Variants in CALN1 observed in about 807,000 individuals in gnomAD.
The protein encoded by CALN1 is calneuron 1, also known as calcium-binding protein 8.
A neutral mutation model predicts 30.6 loss-of-function variants in CALN1; 17 were observed. The observed-to-expected ratio is 0.56, with a 90% confidence interval of 0.38 to 0.83. CALN1 has a LOEUF of 0.83. Ranked by LOEUF, CALN1 falls within the 40% of genes least tolerant of loss-of-function variation. The probability of loss-of-function intolerance (pLI) is 0.00; values close to 1 mark genes in which losing one functional copy is unlikely to be tolerated. For missense variants in CALN1, 291 were observed against 354.9 expected, an observed-to-expected ratio of 0.82 and a Z score of 1.45; for synonymous variants, 156 against 131.4, an observed-to-expected ratio of 1.19 and a Z score of -1.28.
chr7:71,795,987 T>G (rs2115971156), intron 6 of CALN1, among the ~76,000 whole-genome samples: 1 of 142,588 alleles, frequency 7.0e-6, no homozygotes, highest in South Asian at 2.3e-4. Flanking sequence ...CCCGGCTAAT[T>G]TTTTGCATTT....
At chr7:72,251,002 A>G (rs1233416303) in intron 3 of CALN1, among the ~76,000 whole-genome samples, 5 of 152,016 alleles carry the variant, frequency 3.3e-5, no homozygotes, top group South Asian at 2.1e-4. Flanking sequence ...GGTCACCCCA[A>G]TGTTCCCCCT....
chr7:72,426,607 A>G (rs1033862863), intron 1 of CALN1, among the ~76,000 whole-genome samples: 1 of 152,150 alleles, frequency 6.6e-6, no homozygotes, highest in Non-Finnish European at 1.5e-5. Context: ...CCAGTGTGAA[A>G]ATGAACTAAT....
chr7:72,029,641 G>T (rs844685), intron 4 of CALN1, among the ~76,000 whole-genome samples: 8 of 151,998 alleles, frequency 5.3e-5, no homozygotes, highest in Non-Finnish European at 1.0e-4. Context: ...TAATCAATCA[G>T]GCGCACATGA....
chr7:72,288,593 T>A (rs1554353127), intron 2 of CALN1, among the ~76,000 whole-genome samples: 1 of 152,242 alleles, frequency 6.6e-6, no homozygotes, highest in Non-Finnish European at 1.5e-5. Flanking sequence ...ACCATTAGTC[T>A]AGGAGTGTGT....
chr7:71,848,464 G>T (rs1385698038), intron 5 of CALN1, among the ~76,000 whole-genome samples: 1 of 152,046 alleles, frequency 6.6e-6, no homozygotes, highest in Non-Finnish European at 1.5e-5. Context: ...CTTCTTTGAA[G>T]GATAAACAGG....
At chr7:72,008,130 C>T (rs546476212) in intron 5 of CALN1, among the ~76,000 whole-genome samples, 1 of 152,128 alleles carries the variant, frequency 6.6e-6, no homozygotes, top group East Asian at 1.9e-4. Context: ...TATTCAATTA[C>T]CATATTATGT....
intron 3 of CALN1, among the ~76,000 whole-genome samples, chr7:72,258,889 C>T (rs1204949378): frequency 8.4e-5 from 11 of 130,818 alleles, no homozygotes; most frequent in South Asian, 2.6e-4. Flanking sequence ...CCTGTCTCTA[C>T]TAAAAAGTAA....
At chr7:71,954,414 C>T (rs941166168) in intron 5 of CALN1, among the ~76,000 whole-genome samples, 4 of 151,998 alleles carry the variant, frequency 2.6e-5, no homozygotes, top group African/African-American at 4.8e-5. Context: ...GAGCTGAGAT[C>T]GTGCCACTGT....
intron 3 of CALN1, among the ~76,000 whole-genome samples, chr7:72,160,686 C>A (rs538512668): frequency 6.6e-6 from 1 of 152,186 alleles, no homozygotes; most frequent in Non-Finnish European, 1.5e-5. Flanking sequence ...ACAGTGGGTT[C>A]ATGAATTCAA....
intron 2 of CALN1, among the ~76,000 whole-genome samples, chr7:72,319,226 C>T (rs1372153417): frequency 6.6e-6 from 1 of 152,114 alleles, no homozygotes; most frequent in Non-Finnish European, 1.5e-5. Flanking sequence ...TAAACACATA[C>T]CCGAGACTGG....
At chr7:71,846,004 G>A (rs955243187) in intron 5 of CALN1, among the ~76,000 whole-genome samples, 4 of 152,048 alleles carry the variant, frequency 2.6e-5, no homozygotes, top group African/African-American at 7.2e-5. Context: ...CGTGAGCTGA[G>A]ATTCCACTAC....
chr7:71,886,774 A>AG (rs905411852), intron 5 of CALN1, among the ~76,000 whole-genome samples: 10 of 74,482 alleles, frequency 1.3e-4, no homozygotes, highest in Non-Finnish European at 2.3e-4. Context: ...ACTCCATCTC[A>AG]AAAAAAAAAA....
At chr7:72,326,896 C>A (rs557013161) in intron 2 of CALN1, among the ~76,000 whole-genome samples, 1 of 152,276 alleles carries the variant, frequency 6.6e-6, no homozygotes, top group Admixed American at 6.5e-5. Context: ...AATGAGCTAA[C>A]CAAGGTTCCT....
At chr7:72,303,036 G>C (rs1799402034) in intron 2 of CALN1, among the ~76,000 whole-genome samples, 1 of 151,172 alleles carries the variant, frequency 6.6e-6, no homozygotes, top group Admixed American at 6.6e-5. Context: ...AGCTATGATG[G>C]TGCCATTGCA....
intron 5 of CALN1, among the ~76,000 whole-genome samples, chr7:72,022,965 G>C (rs987985543): frequency 1.3e-5 from 2 of 149,694 alleles, no homozygotes; most frequent in Non-Finnish European, 3.0e-5. Context: ...AAATCATGCT[G>C]TGTCTGAATG....
intron 3 of CALN1, among the ~76,000 whole-genome samples, chr7:72,257,566 GA>G (rs1365616673): frequency 6.6e-6 from 1 of 152,158 alleles, no homozygotes; most frequent in African/African-American, 2.4e-5. Flanking sequence ...ATTCCTTAAA[GA>G]ACTAAAAGTA....
intron 3 of CALN1, among the ~76,000 whole-genome samples, chr7:72,109,850 C>T (rs1807437702): frequency 6.6e-6 from 1 of 151,866 alleles, no homozygotes; most frequent in Admixed American, 6.6e-5. Flanking sequence ...GTGCAGCCTT[C>T]CCCCTCAGCC....
chr7:72,271,573 A>ATTATATATATATATATATAT (rs1554345799), intron 3 of CALN1, among the ~76,000 whole-genome samples: 1 of 23,500 alleles, frequency 4.3e-5, no homozygotes, highest in African/African-American at 4.5e-4. Context: ...TTAAAAAAAA[A>ATTATATATATATATATATAT]AAATATATAT....
At chr7:72,023,352 G>A (rs1300588328) in intron 5 of CALN1, among the ~76,000 whole-genome samples, 15 of 152,036 alleles carry the variant, frequency 9.9e-5, no homozygotes, top group Non-Finnish European at 1.8e-4. Flanking sequence ...ACACAGAACC[G>A]GTTCAGATAA....
Sources: allele counts gnomAD v4.1 joint callset (sites outside exome capture counted in the v4.1 genomes callset), GRCh38; gene constraint gnomAD v4.1.1; transcripts MANE v1.5; gene names NCBI Gene and HGNC (gene_info 2026-07-23, HGNC 2026-07-21).